The following TDRD9 variants were observed in gnomAD, a reference collection of about 807,000 sequenced individuals.
TDRD9 encodes tudor domain containing 9.
A neutral mutation model predicts 172.6 loss-of-function variants in TDRD9; 124 were observed. That is an observed-to-expected ratio of 0.72 (90% CI 0.62 to 0.83). The LOEUF is 0.83. Among genes scored for constraint, TDRD9 ranks in the 40% least tolerant of loss-of-function variants. TDRD9 has a pLI of 0.00. For synonymous variants in TDRD9, 619 were observed against 617.1 expected (o/e 1.00, Z -0.05); for missense variants, 1,479 against 1,714.1 (o/e 0.86, Z 2.42).
intron 18 of TDRD9, 99 bp downstream of exon 18, chr14:104,006,944 T>A: frequency 8.8e-7 from 1 of 1,139,942 alleles, no homozygotes; most frequent in Non-Finnish European, 1.3e-6. Context: ...CAATGTTTTA[T>A]CTAGTGAAAG....
At chr14:103,975,805 A>G (rs187252522) in intron 7 of TDRD9, among the ~76,000 whole-genome samples, 1 of 152,204 alleles carries the variant, frequency 6.6e-6, no homozygotes, top group Non-Finnish European at 1.5e-5. Flanking sequence ...TTTAACATTT[A>G]TCTTTGTGGT....
intron 8 of TDRD9, among the ~76,000 whole-genome samples, chr14:103,988,578 T>C (rs1414167269): frequency 6.6e-6 from 1 of 152,220 alleles, no homozygotes; most frequent in Non-Finnish European, 1.5e-5. Flanking sequence ...ATAGTTGAAT[T>C]TATGTTGGCC....
chr14:104,012,403 C>T (rs11160778), intron 20 of TDRD9, among the ~76,000 whole-genome samples: 77,443 of 152,016 alleles, frequency 0.51, 21,209 homozygotes, highest in South Asian at 0.63. Context: ...CTGCAAGATG[C>T]TTCCTTTGTG....
At chr14:104,011,654 C>G (rs2034616396) in intron 20 of TDRD9, among the ~76,000 whole-genome samples, 1 of 152,118 alleles carries the variant, frequency 6.6e-6, no homozygotes, top group African/African-American at 2.4e-5. Flanking sequence ...TAATCCAGAT[C>G]ATGAAGTTTA....
chr14:103,947,973 A>G (rs1190114129), intron 1 of TDRD9, among the ~76,000 whole-genome samples: 2 of 152,218 alleles, frequency 1.3e-5, no homozygotes, highest in Non-Finnish European at 1.5e-5. Flanking sequence ...ATTAATACAT[A>G]GAATGTATAG....
chr14:103,983,577 A>C (rs1595945940), intron 7 of TDRD9, among the ~76,000 whole-genome samples: 1 of 152,334 alleles, frequency 6.6e-6, no homozygotes, highest in East Asian at 1.9e-4. Context: ...GGTGAAAAAA[A>C]CCCAGTATCG....
chr14:103,964,333 C>G (rs1202220154), intron 3 of TDRD9, among the ~76,000 whole-genome samples: 1 of 152,172 alleles, frequency 6.6e-6, no homozygotes, highest in Non-Finnish European at 1.5e-5. Flanking sequence ...AGTAACAGCT[C>G]TTTTTCTCAT....
chr14:103,938,431 TATATATA>T (rs1217763275), intron 1 of TDRD9, among the ~76,000 whole-genome samples: 772 of 66,240 alleles, frequency 0.012, 46 homozygotes, highest in African/African-American at 0.039. Flanking sequence ...TATATATATA[TATATATA>T]TATTTTTTTT....
chr14:104,012,800 C>G (rs936474264), intron 20 of TDRD9, among the ~76,000 whole-genome samples: 1 of 152,066 alleles, frequency 6.6e-6, no homozygotes, highest in Admixed American at 6.6e-5. Flanking sequence ...GTGGCATAAC[C>G]ATAGCTCACT....
intron 32 of TDRD9, among the ~76,000 whole-genome samples, chr14:104,035,694 G>A (rs1042696237): frequency 6.6e-6 from 1 of 152,236 alleles, no homozygotes; most frequent in African/African-American, 2.4e-5. Context: ...GTGGGTGGGG[G>A]TGGCTAGAAA....
At chr14:103,978,801 T>G (rs2033357901) in intron 7 of TDRD9, among the ~76,000 whole-genome samples, 2 of 152,164 alleles carry the variant, frequency 1.3e-5, no homozygotes, top group African/African-American at 4.8e-5. Flanking sequence ...ATTAAAAAAT[T>G]TAAATTCACA....
chr14:104,052,233 T>TAAAG lies in TDRD9; in HGVS notation c.*151_*152insAAAG. ...GGCCTTTTCTTTCTTCTTTTCTCTTTGGGTGATAGTCAGAGAGTGGTGTTT... is the reference window on the plus strand; with the variant it reads ...GGCCTTTTCTTTCTTCTTTTCTCTTTAAAGGGGTGATAGTCAGAGAGTGGTGTTT... On this transcript the variant is annotated 3_prime_UTR_variant, in exon 36 of 36. Transcript: ENST00000409874. The TAAAG allele has an allele frequency of 1.6e-5, 8 of 511,348 alleles. No homozygotes were observed. In the South Asian group the frequency reaches 2.1e-4, roughly 14 times the overall value. 31.7% of individuals were successfully genotyped at this position (511,348 alleles called of 1,614,324 possible).
chr14:103,939,398 T>C (rs918469812), intron 1 of TDRD9, among the ~76,000 whole-genome samples: 1 of 152,194 alleles, frequency 6.6e-6, no homozygotes, highest in Non-Finnish European at 1.5e-5. Context: ...CAATAAGCAG[T>C]TGTGTACTTT....
chr14:103,996,805 G>C (rs1051803564), intron 12 of TDRD9, among the ~76,000 whole-genome samples: 6 of 152,180 alleles, frequency 3.9e-5, no homozygotes, highest in African/African-American at 1.2e-4. Flanking sequence ...AAGAAAAAGG[G>C]GTTATTGGGT....
intron 35 of TDRD9, among the ~76,000 whole-genome samples, 189 bp from the exon 36 acceptor site, chr14:104,051,792 A>G (rs1413255666): frequency 6.6e-6 from 1 of 152,168 alleles, no homozygotes; most frequent in African/African-American, 2.4e-5. Flanking sequence ...TAATGGGGTT[A>G]TTTAAACATG....
intron 29 of TDRD9, 104 bp downstream of exon 29, chr14:104,031,367 C>A (rs2035274116): frequency 1.0e-6 from 1 of 954,550 alleles, no homozygotes; most frequent in Non-Finnish European, 1.5e-6. Flanking sequence ...TCTTTTCTGG[C>A]TTTTAATGCT....
At chr14:104,030,173 A>G (rs141379587) in intron 28 of TDRD9, among the ~76,000 whole-genome samples, 1 of 152,304 alleles carries the variant, frequency 6.6e-6, no homozygotes, top group East Asian at 1.9e-4. Context: ...CTTGCAAACG[A>G]TAGTAAGAGA....
rs1400082637 is a variant in TDRD9, at chr14:103,994,550, G to A, written c.1267G>A (p.Ala423Thr). ...LQVYPLHSSV[A>T]LEEQNNVFLS... ...GGTCTATCCACTCCATTCAAGTGTG[G>A]CTTTAGAAGAACAGAATAATGTCTT... is the stretch of plus-strand genomic sequence containing the variant. The change falls in exon 11 of 36, where the codon GCT (alanine) becomes ACT (threonine). Residue 423 changes from alanine to threonine, a missense_variant. Coordinates refer to ENST00000409874, the MANE Select transcript of TDRD9 (RefSeq NM_153046.3). 1.2e-6 allele frequency: 2 copies of A among 1,613,728 alleles called. No individual in the cohort carries two copies. Among genetic ancestry groups the A allele is most frequent in the Non-Finnish European group, 1.7e-6 (2 of 1,179,844 alleles).
At position 103,970,437 on chromosome 14, in the gene TDRD9, G is replaced by T. The variant is rs1041913528; in HGVS notation, c.766-104G>T. 1.3e-5 allele frequency: 10 copies of T among 764,686 alleles called. No individual in the cohort carries two copies. In the African/African-American group the frequency reaches 1.8e-4, roughly 13 times the overall value. The allele number at this position is 764,686 out of a possible 1,614,324, so 47.4% of individuals were successfully genotyped here. On this transcript the variant is annotated intron_variant, in intron 5 of 35. Coordinates refer to ENST00000409874, the MANE Select transcript of TDRD9 (RefSeq NM_153046.3). ...CCCCTGAGGAACTGCATTTAGCAGA[G>T]AGAACTGGTTTAGTCCCCAGTCCCC... is the stretch of plus-strand genomic sequence containing the variant.
Sources: gnomAD v4.1 joint callset for allele counts (sites outside exome capture counted in the v4.1 genomes callset) on GRCh38, gnomAD v4.1.1 for gene constraint, MANE v1.5 for transcripts, NCBI Gene and HGNC (gene_info 2026-07-23, HGNC 2026-07-21) for gene names.